AGPAT3: variants seen among roughly 807,000 people sequenced by gnomAD.
AGPAT3 encodes the protein 1-acylglycerol-3-phosphate O-acyltransferase 3.
A neutral mutation model predicts 47.3 loss-of-function variants in AGPAT3; 5 were observed. That is an observed-to-expected ratio of 0.11 (90% CI 0.06 to 0.22). AGPAT3 has a LOEUF of 0.22. Among genes scored for constraint, AGPAT3 ranks in the 10% least tolerant of loss-of-function variants. The pLI is 1.00. For synonymous variants in AGPAT3, 212 were observed against 208.3 expected (o/e 1.02, Z -0.15); for missense variants, 315 against 493.0 (o/e 0.64, Z 3.42).
At chr21:43,961,532 G>A (rs1242012084) in intron 3 of AGPAT3, among the ~76,000 whole-genome samples, 4,206 of 136,910 alleles carry the variant, frequency 0.031, 83 homozygotes, top group South Asian at 0.054. Context: ...AACGGTGAGC[G>A]CGTATACACT....
At chr21:43,950,316 T>C (rs2088130412) in intron 2 of AGPAT3, among the ~76,000 whole-genome samples, 1 of 152,236 alleles carries the variant, frequency 6.6e-6, no homozygotes, top group Non-Finnish European at 1.5e-5. Context: ...TTTCACCTCC[T>C]CCTGCCAGAC....
intron 2 of AGPAT3, among the ~76,000 whole-genome samples, chr21:43,909,664 G>A (rs944290537): frequency 1.3e-5 from 2 of 152,148 alleles, no homozygotes; most frequent in African/African-American, 2.4e-5. Flanking sequence ...AAGGTATCCC[G>A]ACGGTGCTGT....
At chr21:43,940,237 C>T (rs538335477) in intron 2 of AGPAT3, among the ~76,000 whole-genome samples, 116 of 152,382 alleles carry the variant, frequency 7.6e-4, no homozygotes, top group South Asian at 2.1e-3. Flanking sequence ...AGCACAGGAC[C>T]GAGGGCTGAA....
In AGPAT3 at chr21:43,954,218, C is replaced by T. The variant is rs1682763432; in HGVS notation, c.-48-5416C>T. On this transcript the variant is annotated intron_variant, in intron 2 of 9. Coordinates refer to ENST00000291572, the MANE Select transcript of AGPAT3 (RefSeq NM_020132.5). The surrounding 1 kb of genome is among the most constrained non-coding windows in gnomAD (Gnocchi z 4.0). ...GTGTGGCCAAGCAGGGCACCTTCCT[C>T]ACCGTCACCCTTCTGCAGGGAGGGA... is the stretch of plus-strand genomic sequence containing the variant. 6.6e-6 allele frequency among the ~76,000 whole-genome samples: 1 copy of T among 152,214 alleles called. No homozygotes were observed. Among genetic ancestry groups the T allele is most frequent in the African/African-American group, 2.4e-5 (1 of 41,458 alleles).
rs371543414 is a variant in AGPAT3, at chr21:43,980,991, C to T, written c.846C>T (p.Asp282=). ...QWLHKLYQEK[D]ALQEIYNQKG... ...TTTTTCTCTGTTGACTCTTCTAGGA[C>T]GCGCTCCAGGAGATATATAATCAGA... Residue 282 remains aspartate (D), a splice_region_variant and synonymous_variant, in exon 9 of 10, where the codon GAC becomes GAT. Transcript: ENST00000291572. The T allele has an allele frequency of 1.2e-4, 190 of 1,613,792 alleles. 3 individuals are homozygous for T. In the South Asian group the frequency reaches 1.4e-3, roughly 12 times the overall value.
intron 1 of AGPAT3, among the ~76,000 whole-genome samples, chr21:43,891,849 G>T (rs2086108320): frequency 6.6e-6 from 1 of 151,968 alleles, no homozygotes; most frequent in Admixed American, 6.6e-5. Context: ...TTGATATTTT[G>T]ACCCCCTCCC....
At chr21:43,943,760 G>T (rs1248011591) in intron 2 of AGPAT3, among the ~76,000 whole-genome samples, 1 of 152,230 alleles carries the variant, frequency 6.6e-6, no homozygotes, top group Non-Finnish European at 1.5e-5. Flanking sequence ...GCCGCGTGCT[G>T]TTGGTGTAGG....
In AGPAT3 at chr21:43,934,510, CAG is replaced by C. The variant is rs1341765366; in HGVS notation, c.-48-25120_-48-25119del. On this transcript the variant is annotated intron_variant, in intron 2 of 9. Coordinates refer to ENST00000291572, the MANE Select transcript of AGPAT3 (RefSeq NM_020132.5). The surrounding 1 kb of genome is among the most constrained non-coding windows in gnomAD (Gnocchi z 4.7). ...TATACAGGCAGCATGGCTTAGGTGT[CAG>C]AGACGGGAAAGGACCTGGAAGAAAA... is the stretch of plus-strand genomic sequence containing the variant. 6.6e-6 allele frequency among the ~76,000 whole-genome samples: 1 copy of C among 152,224 alleles called. No individual in the cohort carries two copies. Among genetic ancestry groups the C allele is most frequent in the Non-Finnish European group, 1.5e-5 (1 of 68,040 alleles).
chr21:43,969,678 G>A (rs897944264), intron 5 of AGPAT3, among the ~76,000 whole-genome samples: 4 of 151,860 alleles, frequency 2.6e-5, no homozygotes, highest in African/African-American at 4.9e-5. Context: ...TTTCTTGTTC[G>A]TTTTGTTGTG....
intron 2 of AGPAT3, among the ~76,000 whole-genome samples, chr21:43,958,056 G>A (rs1333037990): frequency 6.6e-6 from 1 of 152,244 alleles, no homozygotes; most frequent in African/African-American, 2.4e-5. Flanking sequence ...CCCACACTGA[G>A]GGGTTTGTGA....
intron 7 of AGPAT3, among the ~76,000 whole-genome samples, chr21:43,974,629 G>C (rs1440261236): frequency 1.3e-5 from 2 of 150,924 alleles, no homozygotes; most frequent in Non-Finnish European, 1.5e-5. Flanking sequence ...TTATGTGTTT[G>C]ATATGTGTGG....
chr21:43,924,219 G>A (rs1319949583), intron 2 of AGPAT3, among the ~76,000 whole-genome samples: 1 of 149,954 alleles, frequency 6.7e-6, no homozygotes, highest in African/African-American at 2.5e-5. Flanking sequence ...CAGAGACGGG[G>A]TTTCACCGTG....
chr21:43,931,866 T>C (rs1213964691), intron 2 of AGPAT3, among the ~76,000 whole-genome samples: 1 of 152,086 alleles, frequency 6.6e-6, no homozygotes, highest in Non-Finnish European at 1.5e-5. Context: ...GCTATCTCAA[T>C]GTTCCATACA....
chr21:43,984,095 C>T lies in AGPAT3; in HGVS notation c.*1703C>T, dbSNP rs542695669. On this transcript the variant is annotated 3_prime_UTR_variant, in exon 10 of 10. Coordinates refer to ENST00000291572, the MANE Select transcript of AGPAT3 (RefSeq NM_020132.5). Reference sequence around the variant, plus strand: ...CACACCTGCTCAGAGCACGGCTCCTCGCAGGGGTGAAGGGGCAGACCAACG... The same window carrying T: ...CACACCTGCTCAGAGCACGGCTCCTTGCAGGGGTGAAGGGGCAGACCAACG... The T allele has an allele frequency of 2.0e-5, 3 of 152,430 alleles. No homozygotes were observed. The highest frequency in any genetic ancestry group is 7.2e-5 in the African/African-American group (3 of 41,594). The allele number at this position is 152,430 out of a possible 1,614,324, so 9.4% of individuals were successfully genotyped here. A position where few individuals can be genotyped will look rare whatever the true frequency, so the allele number is the denominator to read the frequency against.
intron 2 of AGPAT3, among the ~76,000 whole-genome samples, chr21:43,936,646 C>T (rs570222520): frequency 1.3e-5 from 2 of 152,378 alleles, no homozygotes; most frequent in East Asian, 3.9e-4. Context: ...GAAAAGCTCA[C>T]CCGACTGCTG....
chr21:43,975,812 A>G (rs2089598627), intron 7 of AGPAT3, among the ~76,000 whole-genome samples: 1 of 152,148 alleles, frequency 6.6e-6, no homozygotes, highest in Admixed American at 6.5e-5. Context: ...ATGAGCCCAG[A>G]CAGTGCTCGG....
chr21:43,959,920 A>G, intron 3 of AGPAT3, 61 bp downstream of exon 3: 1 of 1,514,124 alleles, frequency 6.6e-7, no homozygotes, highest in Non-Finnish European at 8.9e-7. Flanking sequence ...GCGCGCGACC[A>G]TGCACGGGGC....
At chr21:43,962,472 C>G (rs1429521284) in intron 3 of AGPAT3, among the ~76,000 whole-genome samples, 1 of 152,188 alleles carries the variant, frequency 6.6e-6, no homozygotes, top group Admixed American at 6.5e-5. Context: ...TTACAGACTC[C>G]TACTTTCTAG....
Position 43,982,705 on chromosome 21 carries a change from T to C in AGPAT3, c.*313T>C. ...GGGAGCCTTTGGCTGCTTTCTCTCCTTAAACTTAGATCAAATTTTTTGGTT... is the reference window on the plus strand; with the variant it reads ...GGGAGCCTTTGGCTGCTTTCTCTCCCTAAACTTAGATCAAATTTTTTGGTT... On this transcript the variant is annotated 3_prime_UTR_variant, in exon 10 of 10. Transcript: ENST00000291572. The surrounding 1 kb of genome is among the most constrained non-coding windows in gnomAD (Gnocchi z 6.2). 4.7e-6 allele frequency: 1 copy of C among 213,436 alleles called. No individual in the cohort carries two copies. The highest frequency in any genetic ancestry group is 9.3e-6 in the Non-Finnish European group (1 of 107,894). 13.2% of individuals were successfully genotyped at this position (213,436 alleles called of 1,614,324 possible).
Sources: gnomAD v4.1 joint callset for allele counts (sites outside exome capture counted in the v4.1 genomes callset) on GRCh38, gnomAD v4.1.1 for gene constraint, Gnocchi (gnomAD v3.1) non-coding constraint, MANE v1.5 for transcripts, NCBI Gene and HGNC (gene_info 2026-07-23, HGNC 2026-07-21) for gene names.